The following ANXA8 variants were observed in gnomAD, a reference collection of about 807,000 sequenced individuals.
ANXA8 encodes the protein VAC-beta.
In ANXA8, 9 loss-of-function variants were observed where a neutral mutation model predicts 26.8. That is an observed-to-expected ratio of 0.34 (90% CI 0.20 to 0.59). The LOEUF (loss-of-function observed/expected upper bound fraction) is 0.59. Ranked by LOEUF, ANXA8 falls within the 20% of genes least tolerant of loss-of-function variation. The pLI is 0.84. For missense variants in ANXA8, 83 were observed against 238.5 expected (o/e 0.35, Z 4.29); for synonymous variants, 39 against 94.8 (o/e 0.41, Z 3.42).
upstream of ANXA8, chr10:47,484,184 A>G (rs1238000241): frequency 4.9e-6 from 4 of 810,698 alleles, no homozygotes; most frequent in South Asian, 2.9e-5. Context: ...GCTCTGGGGA[A>G]TTACACAACT....
chr10:47,622,387 A>G, the ANXA8 span, among the ~76,000 whole-genome samples: 3 of 106,992 alleles, frequency 2.8e-5, no homozygotes, highest in Non-Finnish European at 5.9e-5. Context: ...TATTCTGTAC[A>G]TCACATCTCA....
chr10:47,627,046 AAG>A, the ANXA8 span, among the ~76,000 whole-genome samples: 2 of 149,394 alleles, frequency 1.3e-5, 1 homozygote, highest in Non-Finnish European at 2.9e-5. Context: ...TCAGAACTGT[AAG>A]AATTCTCTTA....
the ANXA8 span, among the ~76,000 whole-genome samples, chr10:47,591,216 C>T: frequency 8.2e-5 from 12 of 145,756 alleles, 1 homozygote; most frequent in East Asian, 5.9e-4. Context: ...CTAGCACAGG[C>T]GGGTCACTTC....
At chr10:47,950,021 T>G in the ANXA8 span, among the ~76,000 whole-genome samples, 1 of 148,208 alleles carries the variant, frequency 6.7e-6, no homozygotes, top group Admixed American at 6.7e-5. Flanking sequence ...CTCAATAATT[T>G]AAAGGCACAG....
chr10:47,733,285 T>TTC, the ANXA8 span, among the ~76,000 whole-genome samples: 1 of 92,664 alleles, frequency 1.1e-5, no homozygotes, highest in South Asian at 2.9e-4. Flanking sequence ...CTTTCTTTCT[T>TTC]TCTTTCTTTC....
At chr10:47,533,130 G>A in the ANXA8 span, among the ~76,000 whole-genome samples, 15 of 148,248 alleles carry the variant, frequency 1.0e-4, no homozygotes, top group South Asian at 4.3e-4. Context: ...AGTGAGATAC[G>A]TTCAGCAAAA....
At chr10:47,486,193 A>G (rs1423299277), upstream of ANXA8, among the ~76,000 whole-genome samples, 3 of 151,618 alleles carry the variant, frequency 2.0e-5, no homozygotes, top group Admixed American at 6.6e-5. Context: ...ACCGTCCAGC[A>G]GAAATGCTTA....
the ANXA8 span, among the ~76,000 whole-genome samples, chr10:47,735,206 C>T: frequency 6.9e-6 from 1 of 145,404 alleles, no homozygotes; most frequent in Non-Finnish European, 1.5e-5. Flanking sequence ...CGCAAGCAAT[C>T]CTTCCACCTC....
the ANXA8 span, among the ~76,000 whole-genome samples, chr10:47,891,591 TAG>T: frequency 2.6e-3 from 3 of 1,144 alleles, no homozygotes; most frequent in African/African-American, 0.011. Context: ...TACAAATAAA[TAG>T]AAAAAAAAAA....
chr10:47,699,344 C>CAA, the ANXA8 span, among the ~76,000 whole-genome samples: 3,733 of 53,386 alleles, frequency 0.07, 52 homozygotes, highest in African/African-American at 0.14. Flanking sequence ...ATTCTGTCTC[C>CAA]AAAAAAAAAA....
the ANXA8 span, among the ~76,000 whole-genome samples, chr10:47,600,107 A>G: frequency 6.7e-6 from 1 of 149,570 alleles, no homozygotes; most frequent in Non-Finnish European, 1.5e-5. Context: ...CTGAGGAAAC[A>G]GAAATCGGAT....
the ANXA8 span, among the ~76,000 whole-genome samples, chr10:47,733,217 CTTTCTCTTTCTTTCTCTCTTTCTTTCTT>C: frequency 7.8e-4 from 56 of 71,342 alleles, no homozygotes; most frequent in African/African-American, 2.0e-3. Flanking sequence ...TTCTTTCTTT[CTTTCTCTTTCTTTCTCTCTTTCTTTCTT>C]TCTTTCTTTC....
the ANXA8 span, among the ~76,000 whole-genome samples, chr10:47,547,520 C>T: frequency 1.1e-5 from 1 of 95,132 alleles, no homozygotes; most frequent in Non-Finnish European, 2.1e-5. Flanking sequence ...TTGTGTGTAC[C>T]GTGCATTACA....
chr10:47,604,469 GA>G, the ANXA8 span, among the ~76,000 whole-genome samples: 3,101 of 145,416 alleles, frequency 0.021, no homozygotes, highest in African/African-American at 0.044. Context: ...CTATTTATAT[GA>G]ATCGTCATTT....
At chr10:47,776,209 A>G in the ANXA8 span, among the ~76,000 whole-genome samples, 1 of 150,424 alleles carries the variant, frequency 6.6e-6, no homozygotes, top group Non-Finnish European at 1.5e-5. Context: ...ATCCTCATGC[A>G]TCCTTATAAC....
At chr10:47,647,266 A>G in the ANXA8 span, among the ~76,000 whole-genome samples, 1 of 150,786 alleles carries the variant, frequency 6.6e-6, no homozygotes. Flanking sequence ...AATAATTTTT[A>G]TTGATATTTT....
chr10:47,959,041 G>A, the ANXA8 span, among the ~76,000 whole-genome samples: 24 of 149,702 alleles, frequency 1.6e-4, 1 homozygote, highest in Admixed American at 6.0e-4. Context: ...GGGGAGGGCC[G>A]GGGGATGAGC....
chr10:47,755,050 G>A, the ANXA8 span, among the ~76,000 whole-genome samples: 6 of 143,826 alleles, frequency 4.2e-5, no homozygotes, highest in African/African-American at 7.8e-5. Flanking sequence ...TCTGCCTCCC[G>A]GGTTCAAGTG....
At chr10:47,506,462 C>T in the ANXA8 span, among the ~76,000 whole-genome samples, 1 of 136,126 alleles carries the variant, frequency 7.3e-6, no homozygotes, top group Non-Finnish European at 1.6e-5. Flanking sequence ...TCCCAAGTAA[C>T]TGGGACTACA....
Sources: allele counts gnomAD v4.1 joint callset (sites outside exome capture counted in the v4.1 genomes callset), GRCh38; gene constraint gnomAD v4.1.1; transcripts MANE v1.5; gene names NCBI Gene and HGNC (gene_info 2026-07-23, HGNC 2026-07-21).